The following ADAM18 variants were observed in gnomAD, a reference collection of about 807,000 sequenced individuals.
ADAM18 encodes ADAM metallopeptidase domain 18, also known as disintegrin and metalloproteinase domain-containing protein 18.
Under a neutral mutation model 94.4 loss-of-function variants are expected in ADAM18, and 117 were observed. That is an observed-to-expected ratio of 1.24 (90% confidence interval 1.07 to 1.45). The LOEUF is 1.45. Among genes scored for constraint, ADAM18 ranks in the 40% most tolerant of loss-of-function variants. The pLI is 0.00. For synonymous variants in ADAM18, 327 were observed against 291.6 expected, an observed-to-expected ratio of 1.12 and a Z score of -1.24; for missense variants, 936 against 880.0, an observed-to-expected ratio of 1.06 and a Z score of -0.81.
intron 14 of ADAM18, among the ~76,000 whole-genome samples, chr8:39,672,600 G>A (rs374791910): frequency 1.1e-4 from 17 of 152,234 alleles, no homozygotes; most frequent in African/African-American, 3.6e-4. Flanking sequence ...AGTAAATATC[G>A]CAATGTTAGG....
At position 39,661,319 on chromosome 8, in the gene ADAM18, ATTTTTTTT is replaced by A. The variant is rs71518171; in HGVS notation, c.1231-2455_1231-2448del. Among the ~76,000 whole-genome samples the A allele has an allele frequency of 1.7e-4, 19 of 112,826 alleles. No homozygotes were observed. In the South Asian group the frequency reaches 4.5e-3, roughly 27 times the overall value. The allele number at this position is 112,826 out of a possible 152,430, so 74.0% of individuals were successfully genotyped here. A position where few individuals can be genotyped will look rare whatever the true frequency, so the allele number is the denominator to read the frequency against. ...AGGCGCCCACCACCACACCCGGCAA[ATTTTTTTT>A]TTTTTTTTTTTTTTTTTTTTGTATT... On this transcript the variant is annotated intron_variant, in intron 12 of 19. Coordinates refer to ENST00000265707, the MANE Select transcript of ADAM18 (RefSeq NM_014237.3).
chr8:39,692,134 G>A (rs1488795415), intron 16 of ADAM18, among the ~76,000 whole-genome samples: 1 of 151,716 alleles, frequency 6.6e-6, no homozygotes, highest in African/African-American at 2.4e-5. Flanking sequence ...TATTGTTCTT[G>A]CCATATTATT....
intron 2 of ADAM18, among the ~76,000 whole-genome samples, chr8:39,589,491 C>T (rs1818506028): frequency 6.6e-6 from 1 of 151,868 alleles, no homozygotes; most frequent in Admixed American, 6.6e-5. Context: ...TATGTAAGTA[C>T]ATATTGTGTA....
chr8:39,629,517 G>C, intron 7 of ADAM18, 78 bp downstream of exon 7: 1 of 930,454 alleles, frequency 1.1e-6, no homozygotes, highest in Non-Finnish European at 1.6e-6. Flanking sequence ...TTGCATTCCT[G>C]TCTTCTTCCT....
At chr8:39,665,975 C>T (rs552385769) in intron 13 of ADAM18, among the ~76,000 whole-genome samples, 1 of 152,060 alleles carries the variant, frequency 6.6e-6, no homozygotes, top group South Asian at 2.1e-4. Flanking sequence ...ATTTCTTGTA[C>T]CTGAAGACCT....
rs551772789 is a variant in ADAM18, at chr8:39,620,409, T to C, written c.523-8965T>C. ...ATCACAAAACAAAACAAAGAAAAAA[T>C]GTAAAAAAAAACCAACAACCAACCA... On this transcript the variant is annotated intron_variant, in intron 6 of 19. Transcript: ENST00000265707. Among the ~76,000 whole-genome samples, 3 of 79,012 alleles carry C rather than the reference T, an allele frequency of 3.8e-5. No individual in the cohort carries two copies. The East Asian group carries it at 9.3e-4, about 25-fold the overall frequency. 51.8% of individuals were successfully genotyped at this position (79,012 alleles called of 152,430 possible).
chr8:39,701,117 C>CAAAAAAAAAAAAAAAAAAAAAAAA lies in ADAM18; in HGVS notation c.1903-5664_1903-5641dup, dbSNP rs71237188. Among the ~76,000 whole-genome samples the CAAAAAAAAAAAAAAAAAAAAAAAA allele has an allele frequency of 3.5e-4, 12 of 34,564 alleles. 1 individual carries two copies. The highest frequency in any genetic ancestry group is 5.0e-4 in the Non-Finnish European group (10 of 19,836). The allele number at this position is 34,564 out of a possible 152,430, so 22.7% of individuals were successfully genotyped here. ...TGGGCGACAGAGCAAGACTCTGTCT[C>CAAAAAAAAAAAAAAAAAAAAAAAA]AAAAAAAAAAAAAAAAAAAAAAAAA... On this transcript the variant is annotated intron_variant, in intron 17 of 19. Coordinates refer to ENST00000265707, the MANE Select transcript of ADAM18 (RefSeq NM_014237.3).
intron 2 of ADAM18, among the ~76,000 whole-genome samples, chr8:39,586,777 T>TATCTATC (rs1554500876): frequency 7.8e-6 from 1 of 128,228 alleles, no homozygotes; most frequent in Non-Finnish European, 1.8e-5. Context: ...TCTATCTATC[T>TATCTATC]ATCTATCTAT....
chr8:39,585,152 C>T, intron 1 of ADAM18, 124 bp from the exon 2 acceptor site: 1 of 661,762 alleles, frequency 1.5e-6, no homozygotes. Flanking sequence ...AGTGTGAGCA[C>T]ATGAGAGAAC....
At chr8:39,673,311 GTAT>G (rs145285000) in intron 14 of ADAM18, among the ~76,000 whole-genome samples, 2 of 151,906 alleles carry the variant, frequency 1.3e-5, no homozygotes, top group African/African-American at 4.8e-5. Flanking sequence ...TTTGGCAAGT[GTAT>G]TATTATTATT....
At chr8:39,677,632 CAT>C (rs1406509553) in intron 15 of ADAM18, 96 bp downstream of exon 15, 2 of 786,386 alleles carry the variant, frequency 2.5e-6, no homozygotes, top group Non-Finnish European at 3.8e-6. Flanking sequence ...AATTTTATAA[CAT>C]GGGAATATTT....
At chr8:39,633,407 G>A (rs1451617941) in intron 7 of ADAM18, among the ~76,000 whole-genome samples, 1 of 152,174 alleles carries the variant, frequency 6.6e-6, no homozygotes, top group Non-Finnish European at 1.5e-5. Context: ...AAGAGAAGTA[G>A]GGAAGTTGTG....
intron 11 of ADAM18, among the ~76,000 whole-genome samples, chr8:39,645,827 T>G: frequency 6.6e-6 from 1 of 152,176 alleles, no homozygotes. Flanking sequence ...AATTATATAC[T>G]CCAGGTAGAA....
intron 11 of ADAM18, 152 bp from the exon 12 acceptor site, chr8:39,648,192 T>C (rs937474044): frequency 9.4e-6 from 5 of 531,180 alleles, no homozygotes; most frequent in Admixed American, 3.8e-5. Flanking sequence ...AGATAAGCAA[T>C]ATTAAAATTT....
At chr8:39,701,077 C>T (rs1390661164) in intron 17 of ADAM18, among the ~76,000 whole-genome samples, 4 of 118,618 alleles carry the variant, frequency 3.4e-5, no homozygotes, top group Non-Finnish European at 6.5e-5. Flanking sequence ...GAGATCCCGC[C>T]ACTGCACTCC....
chr8:39,700,501 T>C (rs1405200192), intron 17 of ADAM18, among the ~76,000 whole-genome samples: 1 of 152,154 alleles, frequency 6.6e-6, no homozygotes, highest in African/African-American at 2.4e-5. Flanking sequence ...TAATAGTAAA[T>C]ATGTGTCCTA....
intron 13 of ADAM18, among the ~76,000 whole-genome samples, chr8:39,667,042 C>G (rs947084499): frequency 1.3e-5 from 2 of 152,042 alleles, no homozygotes; most frequent in East Asian, 3.9e-4. Context: ...GTACACCTCA[C>G]CTAAGTGATG....
intron 12 of ADAM18, among the ~76,000 whole-genome samples, chr8:39,654,366 G>A (rs933146924): frequency 6.6e-6 from 1 of 151,192 alleles, no homozygotes; most frequent in Non-Finnish European, 1.5e-5. Flanking sequence ...CGCCGCACCT[G>A]GCTGATTTCA....
At chr8:39,682,787 C>T (rs748466223) in intron 16 of ADAM18, among the ~76,000 whole-genome samples, 1 of 152,118 alleles carries the variant, frequency 6.6e-6, no homozygotes, top group Admixed American at 6.5e-5. Flanking sequence ...TACCCATGAA[C>T]CTAATCCACA....
Sources: gnomAD v4.1 joint callset for allele counts (sites outside exome capture counted in the v4.1 genomes callset) on GRCh38, gnomAD v4.1.1 for gene constraint, MANE v1.5 for transcripts, NCBI Gene and HGNC (gene_info 2026-07-23, HGNC 2026-07-21) for gene names.